Variants in AP5Z1 observed in about 807,000 individuals in gnomAD.
AP5Z1 encodes adaptor related protein complex 5 subunit zeta 1.
AP5Z1 carries 106 observed loss-of-function variants against 83.0 expected under a neutral mutation model. The ratio of observed to expected loss-of-function variants is 1.28; its 90% CI spans 1.09 to 1.50. The LOEUF (loss-of-function observed/expected upper bound fraction) is 1.50, where lower values mean the gene tolerates loss of function less well. Ranked by LOEUF, AP5Z1 falls within the 40% of genes most tolerant of loss-of-function variation. AP5Z1 has a pLI of 0.00. For missense variants in AP5Z1, 1,565 were observed against 1,094.2 expected, an observed-to-expected ratio of 1.43 and a Z score of -6.07; for synonymous variants, 751 against 514.1, an observed-to-expected ratio of 1.46 and a Z score of -6.23.
At position 4,791,281 on chromosome 7, in the gene AP5Z1, G is replaced by A; in HGVS notation, c.2320G>A (p.Val774Met). ...AQFVLTPSTE[V>M]CSPRYHRDAN... ...GTTTGTGCTCACACCCAGCACGGAG[G>A]TGTGCAGCCCCCGCTATCACCGCGA... Residue 774 changes from valine to methionine, a missense_variant, in exon 17 of 17, where the codon GTG becomes ATG. By Grantham distance (21) the Val-to-Met change is conservative. Coordinates refer to ENST00000649063, the MANE Select transcript of AP5Z1 (RefSeq NM_014855.3). 6.2e-7 allele frequency: 1 copy of A among 1,612,666 alleles called. No individual in the cohort carries two copies. The highest frequency in any genetic ancestry group is 8.5e-7 in the Non-Finnish European group (1 of 1,179,848).
Position 4,788,254 on chromosome 7 carries a change from C to G in AP5Z1, c.1555C>G (p.Gln519Glu), listed in dbSNP as rs1781621895. The G allele has an allele frequency of 6.3e-7, 1 of 1,588,870 alleles. No homozygotes were observed. The highest frequency in any genetic ancestry group is 2.3e-5 in the East Asian group (1 of 43,652). ...FRDPQFQGLF[Q>E]YLLRPKASGA... is the part of the protein sequence containing the mutation. ...GGACCCGCAGTTCCAGGGTCTTTTC[C>G]AATACCTGCTGCGCCCCAAGGCCAG... The change falls in exon 12 of 17, where the codon CAA (glutamine) becomes GAA (glutamate). Residue 519 changes from glutamine to glutamate, a missense_variant. Gln to Glu is a conservative substitution (Grantham distance 29). Transcript: ENST00000649063.
In AP5Z1 at chr7:4,791,047, C is replaced by T. The variant is rs375486437; in HGVS notation, c.2154-68C>T. 3.9e-4 allele frequency: 577 copies of T among 1,489,056 alleles called. 1 individual carries two copies. In the African/African-American group the frequency reaches 5.9e-3, roughly 15 times the overall value. 92.2% of individuals were successfully genotyped at this position (1,489,056 alleles called of 1,614,324 possible). On this transcript the variant is annotated intron_variant, in intron 16 of 16. Transcript: ENST00000649063. ...CTCTGCTGGGCGCTTCAGGCCTGGC[C>T]CCTCCACACAGACCCCTGTCCTGGG...
chr7:4,786,772 C>CTT (rs912609549), intron 10 of AP5Z1, among the ~76,000 whole-genome samples: 2 of 149,520 alleles, frequency 1.3e-5, no homozygotes, highest in African/African-American at 2.5e-5. Context: ...TGCCATTTGC[C>CTT]TTTTTTTTTT....
In AP5Z1 at chr7:4,785,602, G is replaced by A. The variant is rs565769998; in HGVS notation, c.1050G>A (p.Leu350=). Residue 350 remains leucine (L), a synonymous_variant, in exon 9 of 17, where the codon CTG becomes CTA. Coordinates refer to ENST00000649063, the MANE Select transcript of AP5Z1 (RefSeq NM_014855.3). The part of the protein sequence containing the change: ...PSFLYRSLSC[L]KALHGRVRGD... The stretch of plus-strand genomic sequence containing the variant: ...TCCTGTACCGAAGTCTCTCCTGCCT[G>A]AAGGCCCTGCACGGGCGGGTGCGCG... The A allele has an allele frequency of 5.6e-6, 9 of 1,597,060 alleles. No homozygotes were observed. The East Asian group carries it at 1.8e-4, about 32-fold the overall frequency.
At chr7:4,785,266 C>A in intron 7 of AP5Z1, 149 bp from the exon 8 acceptor site, 2 of 1,292,276 alleles carry the variant, frequency 1.5e-6, no homozygotes, top group Non-Finnish European at 2.1e-6. Context: ...ACCTGGGCCC[C>A]TCGCCTCAGT....
chr7:4,789,353 G>A (rs1055728439), intron 13 of AP5Z1, among the ~76,000 whole-genome samples: 6 of 152,136 alleles, frequency 3.9e-5, no homozygotes, highest in South Asian at 4.1e-4. Flanking sequence ...AGCTGGGGCC[G>A]GAGCAGTTTG....
intron 7 of AP5Z1, 63 bp downstream of exon 7, chr7:4,785,111 C>A (rs1331983115): frequency 1.2e-5 from 19 of 1,533,816 alleles, no homozygotes; most frequent in Admixed American, 1.9e-5. Context: ...TGCAAGGCCA[C>A]CTGAGGCCAG....
Position 4,787,723 on chromosome 7 carries a change from G to C in AP5Z1, c.1401G>C (p.Leu467=). 6.5e-7 allele frequency: 1 copy of C among 1,549,130 alleles called. No individual in the cohort carries two copies. The highest frequency in any genetic ancestry group is 1.2e-5 in the South Asian group (1 of 84,236). The stretch of plus-strand genomic sequence containing the variant: ...ACGCTGGCACAGCCCTGGAGATGCT[G>C]CACGCGCTGCTGGACCTGCCCTGCT... The part of the protein sequence containing the change: ...LVDAGTALEM[L]HALLDLPCLT... The change falls in exon 11 of 17, where the codon CTG becomes CTC. Residue 467 remains leucine (L), a synonymous_variant. Coordinates refer to ENST00000649063, the MANE Select transcript of AP5Z1 (RefSeq NM_014855.3).
rs764207501 is a variant in AP5Z1 at position 4,790,190 on chromosome 7, C to G, written c.1805+261C>G. On this transcript the variant is annotated intron_variant, in intron 14 of 16. Transcript: ENST00000649063. ...CTCAGGTCCCTCTTCCCCGTCTTGTCCCCTGGGGTCCTTCTCTCCAAAGGC... is the reference window on the plus strand; with the variant it reads ...CTCAGGTCCCTCTTCCCCGTCTTGTGCCCTGGGGTCCTTCTCTCCAAAGGC... 46 of 1,543,492 alleles carry G rather than the reference C, an allele frequency of 3.0e-5. No homozygotes were observed. The South Asian group carries it at 5.1e-4, about 17-fold the overall frequency.
intron 2 of AP5Z1, 95 bp from the exon 3 acceptor site, chr7:4,781,473 G>A: frequency 6.5e-7 from 1 of 1,541,254 alleles, no homozygotes; most frequent in Non-Finnish European, 8.8e-7. Flanking sequence ...TCTGTCCACT[G>A]GCCCAAGGGT....
chr7:4,794,019 ACT>A lies in AP5Z1; in HGVS notation c.*2637_*2638del, dbSNP rs1182868981. On this transcript the variant is annotated 3_prime_UTR_variant, in exon 17 of 17. Coordinates refer to ENST00000649063, the MANE Select transcript of AP5Z1 (RefSeq NM_014855.3). ...AGGGATTGTAAATAAACCAATTGGC[ACT>A]CTGTATCTAGCTCAAGGTTTGTAAA... 3 of 152,284 alleles carry A rather than the reference ACT, an allele frequency of 2.0e-5. No individual in the cohort carries two copies. Among genetic ancestry groups the A allele is most frequent in the Non-Finnish European group, 4.4e-5 (3 of 68,234 alleles). 9.4% of individuals were successfully genotyped at this position (152,284 alleles called of 1,614,324 possible). A position where few individuals can be genotyped will look rare whatever the true frequency, so the allele number is the denominator to read the frequency against.
At chr7:4,781,036 C>A in intron 1 of AP5Z1, 139 bp from the exon 2 acceptor site, 1 of 1,119,110 alleles carries the variant, frequency 8.9e-7, no homozygotes, top group Non-Finnish European at 1.3e-6. Context: ...TCTCGAGAGC[C>A]ATGAGCCGTG....
chr7:4,788,295 G>C lies in AP5Z1; in HGVS notation c.1595+1G>C. On this transcript the variant is annotated splice_donor_variant, in intron 12 of 16. Transcript: ENST00000649063. LOFTEE classifies it high-confidence loss of function. The stretch of plus-strand genomic sequence containing the variant: ...CCAAGGCCAGTGGCGCCACTGAGAG[G>C]TACGGGGCCCTAGGGCCAGGGGGCC... The C allele has an allele frequency of 6.3e-7, 1 of 1,585,876 alleles. No homozygotes were observed. The highest frequency in any genetic ancestry group is 8.6e-7 in the Non-Finnish European group (1 of 1,167,512).
In AP5Z1 at chr7:4,794,333, G is replaced by A. The variant is rs1781884125; in HGVS notation, c.*2948G>A. The A allele has an allele frequency of 6.6e-6, 1 of 152,304 alleles. No individual in the cohort carries two copies. The allele number at this position is 152,304 out of a possible 1,614,324, so 9.4% of individuals were successfully genotyped here. The stretch of plus-strand genomic sequence containing the variant: ...CGAGCCAGCAGTGACAACCCACTCG[G>A]GTCCCCTTCCACACCGGGATGCTTT... On this transcript the variant is annotated 3_prime_UTR_variant, in exon 17 of 17. Coordinates refer to ENST00000649063, the MANE Select transcript of AP5Z1 (RefSeq NM_014855.3).
intron 10 of AP5Z1, among the ~76,000 whole-genome samples, 195 bp from the exon 11 acceptor site, chr7:4,787,439 T>C (rs1053750295): frequency 6.6e-6 from 1 of 152,054 alleles, no homozygotes; most frequent in African/African-American, 2.4e-5. Context: ...TGAGCTATGA[T>C]TGCACCACTG....
At chr7:4,775,840 T>C (rs1781210112) in intron 1 of AP5Z1, 84 bp downstream of exon 1, 1 of 1,537,616 alleles carries the variant, frequency 6.5e-7, no homozygotes, top group South Asian at 1.2e-5. Context: ...GGCAGGGGCT[T>C]GGGCGCCAGC....
chr7:4,787,892 A>C, intron 11 of AP5Z1, 116 bp downstream of exon 11: 2 of 1,295,886 alleles, frequency 1.5e-6, no homozygotes, highest in Non-Finnish European at 2.1e-6. Flanking sequence ...TTCCCCCCCC[A>C]ACACCTGACC....
In AP5Z1 at chr7:4,792,171, G is replaced by C. The variant is rs1781799267; in HGVS notation, c.*786G>C. On this transcript the variant is annotated 3_prime_UTR_variant, in exon 17 of 17. Transcript: ENST00000649063. The stretch of plus-strand genomic sequence containing the variant: ...GGCCCCAGCCCCGCCACCTTCCTGG[G>C]CCCTGTGGTCCCACCCTCCGGACTA... 2 of 152,156 alleles carry C rather than the reference G, an allele frequency of 1.3e-5. No homozygotes were observed. Among genetic ancestry groups the C allele is most frequent in the African/African-American group, 4.8e-5 (2 of 41,410 alleles). The allele number at this position is 152,156 out of a possible 1,614,324, so 9.4% of individuals were successfully genotyped here. A position where few individuals can be genotyped will look rare whatever the true frequency, so the allele number is the denominator to read the frequency against.
chr7:4,782,438 G>C (rs966160406), intron 3 of AP5Z1, among the ~76,000 whole-genome samples: 4 of 152,206 alleles, frequency 2.6e-5, no homozygotes, highest in African/African-American at 4.8e-5. Flanking sequence ...CTGCTCATGG[G>C]TTGCCCAGGG....
Sources: allele counts gnomAD v4.1 joint callset (sites outside exome capture counted in the v4.1 genomes callset), GRCh38; gene constraint gnomAD v4.1.1; transcripts MANE v1.5; gene names NCBI Gene and HGNC (gene_info 2026-07-23, HGNC 2026-07-21).